FKTN: variants seen among roughly 807,000 people sequenced by gnomAD.
FKTN encodes ribitol-5-phosphate transferase FKTN.
A neutral mutation model predicts 58.6 loss-of-function variants in FKTN; 47 were observed. The ratio of observed to expected loss-of-function variants is 0.80; its 90% CI spans 0.63 to 1.02. The LOEUF (loss-of-function observed/expected upper bound fraction) is 1.02. Among genes scored for constraint, FKTN ranks in the 50% least tolerant of loss-of-function variants. FKTN has a pLI of 0.00. For missense variants in FKTN, 516 were observed against 537.3 expected (o/e 0.96, Z 0.39); for synonymous variants, 178 against 191.9 (o/e 0.93, Z 0.60).
intron 10 of FKTN, among the ~76,000 whole-genome samples, chr9:105,621,235 C>A (rs1768658177): frequency 6.6e-6 from 1 of 152,096 alleles, no homozygotes; most frequent in African/African-American, 2.4e-5. Context: ...GATTTTCTAT[C>A]ATGTTACTGT....
chr9:105,635,725 A>G lies in FKTN; in HGVS notation c.*461A>G. ...CTGGTATGTTAGTGCTACTTTTAAG[A>G]TTGTGGAGTCTGAGTTAATATTCAA... On this transcript the variant is annotated 3_prime_UTR_variant, in exon 11 of 11. Coordinates refer to ENST00000357998, the MANE Select transcript of FKTN (RefSeq NM_001079802.2). 1 of 1,025,200 alleles carries G rather than the reference A, an allele frequency of 9.8e-7. No homozygotes were observed. The highest frequency in any genetic ancestry group is 1.2e-6 in the Non-Finnish European group (1 of 853,312). The allele number at this position is 1,025,200 out of a possible 1,614,324, so 63.5% of individuals were successfully genotyped here. A position where few individuals can be genotyped will look rare whatever the true frequency, so the allele number is the denominator to read the frequency against.
chr9:105,602,121 A>G (rs539474339), intron 5 of FKTN, among the ~76,000 whole-genome samples: 8 of 152,376 alleles, frequency 5.3e-5, no homozygotes, highest in African/African-American at 1.9e-4. Flanking sequence ...GCAAGTTTCC[A>G]ACAACAAAAA....
chr9:105,567,244 G>T (rs926311052), intron 1 of FKTN, among the ~76,000 whole-genome samples: 2 of 152,190 alleles, frequency 1.3e-5, no homozygotes, highest in African/African-American at 4.8e-5. Flanking sequence ...GCACAAGACA[G>T]GGATGCCCTC....
chr9:105,585,272 A>G lies in FKTN; in HGVS notation c.105+10135A>G, dbSNP rs573873860. 1.1e-4 allele frequency among the ~76,000 whole-genome samples: 17 copies of G among 152,244 alleles called. 1 individual carries two copies. Among genetic ancestry groups the G allele is most frequent in the African/African-American group, 3.6e-4 (15 of 41,528 alleles). ...AGATCTCATCTCTGCTAAAAATAAG[A>G]AAATTAGCTGGTTGTGGTGGTGCAC... On this transcript the variant is annotated intron_variant, in intron 3 of 10. Transcript: ENST00000357998.
At chr9:105,560,892 T>A (rs764902606) in intron 1 of FKTN, among the ~76,000 whole-genome samples, 3 of 152,036 alleles carry the variant, frequency 2.0e-5, no homozygotes, top group Non-Finnish European at 2.9e-5. Context: ...ATCAAGACCA[T>A]CCTGGCCAGC....
chr9:105,579,980 G>A (rs542608594), intron 3 of FKTN, among the ~76,000 whole-genome samples: 1 of 151,600 alleles, frequency 6.6e-6, no homozygotes, highest in African/African-American at 2.4e-5. Context: ...CAGAAACTAG[G>A]ATTGCAACCC....
At chr9:105,583,778 A>G (rs1003188236) in intron 3 of FKTN, among the ~76,000 whole-genome samples, 4 of 152,198 alleles carry the variant, frequency 2.6e-5, no homozygotes, top group Non-Finnish European at 5.9e-5. Flanking sequence ...GCCCAAGATT[A>G]TGGGAATATT....
At chr9:105,615,132 C>T in intron 7 of FKTN, 146 bp from the exon 8 acceptor site, 2 of 792,126 alleles carry the variant, frequency 2.5e-6, no homozygotes, top group Non-Finnish European at 4.2e-6. Flanking sequence ...GATCCACCTG[C>T]CTTGGCTTCC....
Position 105,636,699 on chromosome 9 carries a change from T to C in FKTN, c.*1435T>C. ...AAAGGAAGCTGAATCTTATATCTTA[T>C]CTATGCTATTTAGGACTACTTTCTG... On this transcript the variant is annotated 3_prime_UTR_variant, in exon 11 of 11. Coordinates refer to ENST00000357998, the MANE Select transcript of FKTN (RefSeq NM_001079802.2). 7.7e-7 allele frequency: 1 copy of C among 1,290,966 alleles called. No homozygotes were observed. The highest frequency in any genetic ancestry group is 1.0e-6 in the Non-Finnish European group (1 of 979,632). The allele number at this position is 1,290,966 out of a possible 1,614,324, so 80.0% of individuals were successfully genotyped here.
intron 3 of FKTN, among the ~76,000 whole-genome samples, chr9:105,580,008 C>A (rs1296620594): frequency 6.6e-6 from 1 of 150,758 alleles, no homozygotes; most frequent in East Asian, 1.9e-4. Context: ...TTTTTGTTTT[C>A]CATTTGCTTG....
intron 10 of FKTN, among the ~76,000 whole-genome samples, chr9:105,631,540 C>T (rs531376017): frequency 6.6e-6 from 1 of 151,954 alleles, no homozygotes; most frequent in African/African-American, 2.4e-5. Context: ...CTAATATCCA[C>T]AATCTACAAT....
chr9:105,583,933 A>G (rs1325580852), intron 3 of FKTN, among the ~76,000 whole-genome samples: 2 of 152,194 alleles, frequency 1.3e-5, no homozygotes, highest in Non-Finnish European at 2.9e-5. Context: ...ATTACCCATT[A>G]CTTTAAAAAT....
At chr9:105,561,607 G>A (rs573764247) in intron 1 of FKTN, among the ~76,000 whole-genome samples, 17 of 152,252 alleles carry the variant, frequency 1.1e-4, no homozygotes, top group Non-Finnish European at 2.4e-4. Context: ...TCAGAAAGGA[G>A]TAACTATGTA....
chr9:105,601,064 C>A (rs578160814), intron 4 of FKTN, 81 bp from the exon 5 acceptor site: 1 of 825,272 alleles, frequency 1.2e-6, no homozygotes, highest in Non-Finnish European at 2.0e-6. Context: ...CATTCTTATA[C>A]AATTAATGAA....
At chr9:105,570,381 C>T (rs183967278) in intron 1 of FKTN, among the ~76,000 whole-genome samples, 36 of 152,156 alleles carry the variant, frequency 2.4e-4, no homozygotes, top group Admixed American at 2.2e-3. Flanking sequence ...GGTTAGTTGC[C>T]TCTCCTTGTG....
chr9:105,563,947 G>C (rs1357918573), intron 1 of FKTN, among the ~76,000 whole-genome samples: 1 of 152,206 alleles, frequency 6.6e-6, no homozygotes, highest in Non-Finnish European at 1.5e-5. Flanking sequence ...ACCCCTCTGA[G>C]ACGAAACTTC....
At position 105,635,246 on chromosome 9, in the gene FKTN, G is replaced by A; in HGVS notation, c.1368G>A (p.Glu456=). The A allele has an allele frequency of 1.2e-6, 2 of 1,614,020 alleles. No homozygotes were observed. Among genetic ancestry groups the A allele is most frequent in the Non-Finnish European group, 1.7e-6 (2 of 1,179,914 alleles). The change falls in exon 11 of 11, where the codon GAG becomes GAA. Residue 456 remains glutamate, a synonymous_variant. Coordinates refer to ENST00000357998, the MANE Select transcript of FKTN (RefSeq NM_001079802.2). ...NGIWPISEWD[E]VIQLY ...TCTGGCCTATTTCTGAGTGGGATGA[G>A]GTTATCCAGTTATATTGAGATAGTA...
At chr9:105,561,568 T>C (rs1453257420) in intron 1 of FKTN, among the ~76,000 whole-genome samples, 1 of 152,232 alleles carries the variant, frequency 6.6e-6, no homozygotes, top group Admixed American at 6.5e-5. Flanking sequence ...AGCCACTATC[T>C]TTCCAAAACC....
At chr9:105,594,507 C>T (rs779930126) in intron 3 of FKTN, among the ~76,000 whole-genome samples, 2 of 152,166 alleles carry the variant, frequency 1.3e-5, no homozygotes, top group Non-Finnish European at 2.9e-5. Flanking sequence ...CCTGGAATCC[C>T]AGCACTTTGG....
Sources: allele counts gnomAD v4.1 joint callset (sites outside exome capture counted in the v4.1 genomes callset), GRCh38; gene constraint gnomAD v4.1.1; transcripts MANE v1.5; gene names NCBI Gene and HGNC (gene_info 2026-07-23, HGNC 2026-07-21).